Variants in LRP1B observed in about 807,000 individuals in gnomAD.
LRP1B encodes the protein low-density lipoprotein receptor-related protein 1B.
In LRP1B, 217 loss-of-function variants were observed where a neutral mutation model predicts 556.6. The ratio of observed to expected loss-of-function variants is 0.39; its 90% CI spans 0.35 to 0.44. The LOEUF (loss-of-function observed/expected upper bound fraction) is 0.44. LRP1B is among the 20% of genes least tolerant of loss of function. The pLI is 1.00. For synonymous variants in LRP1B, 2,047 were observed against 1,865.8 expected, an observed-to-expected ratio of 1.10 and a Z score of -2.50; for missense variants, 5,053 against 5,620.8, an observed-to-expected ratio of 0.90 and a Z score of 3.23.
At chr2:142,063,492 T>C (rs1365782753) in intron 1 of LRP1B, among the ~76,000 whole-genome samples, 1 of 151,640 alleles carries the variant, frequency 6.6e-6, no homozygotes, top group Admixed American at 6.6e-5. Context: ...AAACAAAAGT[T>C]CTATTCAATC....
intron 11 of LRP1B, among the ~76,000 whole-genome samples, chr2:141,033,124 C>A (rs899026450): frequency 1.3e-5 from 2 of 151,500 alleles, no homozygotes; most frequent in African/African-American, 2.4e-5. Flanking sequence ...CAGAAAACAG[C>A]ACGTGGTAAA....
intron 32 of LRP1B, among the ~76,000 whole-genome samples, chr2:140,792,572 G>T (rs1006314312): frequency 1.3e-5 from 2 of 151,996 alleles, no homozygotes; most frequent in Admixed American, 6.6e-5. Context: ...TTCAGATTTT[G>T]GTTTTCAGTT....
chr2:141,159,676 C>T (rs1216975560), intron 7 of LRP1B, among the ~76,000 whole-genome samples: 1 of 152,114 alleles, frequency 6.6e-6, no homozygotes, highest in Non-Finnish European at 1.5e-5. Flanking sequence ...TTAAAAAGTA[C>T]AAGTTCTTCA....
rs1688430269 is a variant in LRP1B at position 140,485,542 on chromosome 2, A to T, written c.9244-18T>A. Reference sequence around the variant, plus strand: ...TGAACTACCTACAAAACAAGAATTTAAAAGGTTAACAGCGTAAATCCCTAA... The same window carrying T: ...TGAACTACCTACAAAACAAGAATTTTAAAGGTTAACAGCGTAAATCCCTAA... On this transcript the variant is annotated intron_variant, in intron 58 of 90. Transcript: ENST00000389484. 6.2e-7 allele frequency: 1 copy of T among 1,600,266 alleles called. No individual in the cohort carries two copies. The highest frequency in any genetic ancestry group is 8.5e-7 in the Non-Finnish European group (1 of 1,172,308).
At position 140,536,344 on chromosome 2, in the gene LRP1B, GC is replaced by G. The variant is rs1690971863; in HGVS notation, c.7642+236del. On this transcript the variant is annotated intron_variant, in intron 46 of 90. Coordinates refer to ENST00000389484, the MANE Select transcript of LRP1B (RefSeq NM_018557.3). ...AAAAAAAAAAAAAAAAAAAAAAAAGGCTATTTTGTGGATAGAAAACCATGAG... is the reference window on the plus strand; with the variant it reads ...AAAAAAAAAAAAAAAAAAAAAAAAGGTATTTTGTGGATAGAAAACCATGAG... Among the ~76,000 whole-genome samples, 2 of 68,236 alleles carry G rather than the reference GC, an allele frequency of 2.9e-5. 1 individual carries two copies. Among genetic ancestry groups the G allele is most frequent in the Non-Finnish European group, 5.9e-5 (2 of 33,968 alleles). 44.8% of individuals were successfully genotyped at this position (68,236 alleles called of 152,430 possible).
At chr2:141,666,625 T>C (rs962411875) in intron 2 of LRP1B, among the ~76,000 whole-genome samples, 9 of 152,200 alleles carry the variant, frequency 5.9e-5, no homozygotes, top group South Asian at 2.1e-4. Flanking sequence ...AATCTATCCC[T>C]GGTCTCAGGG....
chr2:140,919,669 C>G (rs1349152778), intron 21 of LRP1B, among the ~76,000 whole-genome samples: 2 of 152,060 alleles, frequency 1.3e-5, no homozygotes, highest in African/African-American at 4.8e-5. Flanking sequence ...CAGCACACCA[C>G]TTGATACTGT....
intron 18 of LRP1B, among the ~76,000 whole-genome samples, chr2:140,973,832 T>C (rs1012349353): frequency 1.3e-5 from 2 of 152,144 alleles, no homozygotes; most frequent in South Asian, 2.1e-4. Context: ...TATTCATATA[T>C]TTCTGCAGAA....
chr2:141,792,657 T>C (rs945514353), intron 2 of LRP1B, among the ~76,000 whole-genome samples: 2 of 152,004 alleles, frequency 1.3e-5, no homozygotes, highest in Non-Finnish European at 2.9e-5. Flanking sequence ...TAGCACTTAT[T>C]CCTAGTTATT....
At chr2:140,401,981 C>G (rs1684523954) in intron 66 of LRP1B, among the ~76,000 whole-genome samples, 1 of 152,162 alleles carries the variant, frequency 6.6e-6, no homozygotes, top group South Asian at 2.1e-4. Flanking sequence ...CCCCTGCCAC[C>G]CCTATCACAG....
chr2:141,708,624 T>C (rs1363834435), intron 2 of LRP1B, among the ~76,000 whole-genome samples: 1 of 152,164 alleles, frequency 6.6e-6, no homozygotes, highest in Non-Finnish European at 1.5e-5. Context: ...GACTCTTCAT[T>C]ATAGTCTTAA....
intron 1 of LRP1B, among the ~76,000 whole-genome samples, chr2:142,056,760 A>C (rs569980456): frequency 0.072 from 10,896 of 152,020 alleles, 501 homozygotes; most frequent in Non-Finnish European, 0.094. Flanking sequence ...GCTGTTGTTT[A>C]ATTTAATAAA....
At chr2:140,658,208 G>A (rs78871148) in intron 41 of LRP1B, among the ~76,000 whole-genome samples, 9,506 of 152,024 alleles carry the variant, frequency 0.063, 344 homozygotes, top group Admixed American at 0.079. Context: ...AGTTTAAAAG[G>A]AAAGTTTAGC....
At chr2:141,322,039 A>T (rs1247742753) in intron 3 of LRP1B, among the ~76,000 whole-genome samples, 2 of 152,090 alleles carry the variant, frequency 1.3e-5, no homozygotes, top group African/African-American at 4.8e-5. Flanking sequence ...CCCCTTCTTC[A>T]GTGATCCCCT....
At chr2:141,787,282 G>C (rs1695458039) in intron 2 of LRP1B, among the ~76,000 whole-genome samples, 1 of 151,870 alleles carries the variant, frequency 6.6e-6, no homozygotes, top group Admixed American at 6.6e-5. Flanking sequence ...CACAAAATCT[G>C]TTCATGAAAT....
intron 43 of LRP1B, among the ~76,000 whole-genome samples, chr2:140,586,153 AG>A (rs1174957837): frequency 6.6e-6 from 1 of 152,184 alleles, no homozygotes; most frequent in African/African-American, 2.4e-5. Context: ...TTAAAACTCT[AG>A]AAATTATACA....
At chr2:140,806,445 T>C (rs1294712243) in intron 32 of LRP1B, among the ~76,000 whole-genome samples, 6 of 152,250 alleles carry the variant, frequency 3.9e-5, no homozygotes, top group African/African-American at 1.2e-4. Flanking sequence ...CGGAATGATA[T>C]ATAAATGAGA....
At chr2:142,068,274 GC>G (rs10719137) in intron 1 of LRP1B, among the ~76,000 whole-genome samples, 64,616 of 151,174 alleles carry the variant, frequency 0.43, 15,831 homozygotes, top group East Asian at 0.69. Context: ...TACCATAGGT[GC>G]TTTTACATTT....
chr2:141,247,850 A>G (rs867041122), intron 4 of LRP1B, among the ~76,000 whole-genome samples: 8 of 152,186 alleles, frequency 5.3e-5, no homozygotes, highest in African/African-American at 1.9e-4. Flanking sequence ...GTCTTAAATA[A>G]ATTTCATTTT....
Sources: gnomAD v4.1 joint callset for allele counts (sites outside exome capture counted in the v4.1 genomes callset) on GRCh38, gnomAD v4.1.1 for gene constraint, MANE v1.5 for transcripts, NCBI Gene and HGNC (gene_info 2026-07-23, HGNC 2026-07-21) for gene names.